The following MDH1 variants were observed in gnomAD, a reference collection of about 807,000 sequenced individuals.
MDH1 encodes malate dehydrogenase, cytoplasmic.
Under a neutral mutation model 38.7 loss-of-function variants are expected in MDH1, and 15 were observed. That is an observed-to-expected ratio of 0.39 (90% CI 0.26 to 0.60). The LOEUF (loss-of-function observed/expected upper bound fraction) is 0.60. MDH1 is among the 20% of genes least tolerant of loss of function. The pLI, the probability that MDH1 is intolerant of heterozygous loss-of-function variation, is 0.56. For synonymous variants in MDH1, 144 were observed against 143.6 expected, an observed-to-expected ratio of 1.00 and a Z score of -0.02; for missense variants, 368 against 405.2, an observed-to-expected ratio of 0.91 and a Z score of 0.79.
intron 1 of MDH1, chr2:63,590,107 C>G (rs1709151779): frequency 6.6e-6 from 1 of 152,240 alleles, no homozygotes; most frequent in Non-Finnish European, 1.5e-5. Context: ...CCTAGGTTTC[C>G]TAAATGTTTT....
At chr2:63,602,406 C>CA (rs1415078378) in intron 5 of MDH1, among the ~76,000 whole-genome samples, 3 of 125,984 alleles carry the variant, frequency 2.4e-5, no homozygotes, top group African/African-American at 6.1e-5. Flanking sequence ...TCAAAAGTCG[C>CA]AAAAAAATAG....
intron 1 of MDH1, chr2:63,593,107 GT>G (rs34177697): frequency 2.7e-5 from 4 of 147,366 alleles, no homozygotes; most frequent in Admixed American, 6.8e-5. Context: ...GTTGTTTTTT[GT>G]TTTTTTTTTG....
chr2:63,594,294 C>T (rs765796969), intron 1 of MDH1, 194 bp from the exon 2 acceptor site: 1 of 689,264 alleles, frequency 1.5e-6, no homozygotes, highest in Admixed American at 1.8e-5. Flanking sequence ...ACTTTTAGCT[C>T]CCTACATGGT....
rs573364548 is a variant in MDH1, at chr2:63,600,374, C to T, written c.498+1082C>T. On this transcript the variant is annotated intron_variant, in intron 5 of 8. Transcript: ENST00000233114. ...GGAAGTCAGAGAACCTGCTCAGAGT[C>T]ATACAGCTCATAAATTACGGAGCCA... 2.0e-5 allele frequency among the ~76,000 whole-genome samples: 3 copies of T among 152,270 alleles called. No homozygotes were observed. The South Asian group carries it at 6.2e-4, about 32-fold the overall frequency.
rs1709494748 is a variant in MDH1 at position 63,604,759 on chromosome 2, T to G, written c.562T>G (p.Ser188Ala). ...VKNVIIWGNH[S>A]STQYPDVNHA... Reference sequence around the variant, plus strand: ...GAATGTCATTATCTGGGGAAACCATTCCTCGACTCAGTATCCAGATGTCAA... The same window carrying G: ...GAATGTCATTATCTGGGGAAACCATGCCTCGACTCAGTATCCAGATGTCAA... The change falls in exon 6 of 9, where the codon TCC becomes GCC. Residue 188 changes from serine (S) to alanine (A), a missense_variant. Ser to Ala is a moderately conservative substitution (Grantham distance 99, BLOSUM62 1). Transcript: ENST00000233114. 1 of 1,614,180 alleles carries G rather than the reference T, an allele frequency of 6.2e-7. No individual in the cohort carries two copies. Among genetic ancestry groups the G allele is most frequent in the Non-Finnish European group, 8.5e-7 (1 of 1,180,000 alleles).
At chr2:63,595,951 C>T (rs1343970176) in intron 3 of MDH1, among the ~76,000 whole-genome samples, 1 of 152,126 alleles carries the variant, frequency 6.6e-6, no homozygotes, top group Non-Finnish European at 1.5e-5. Flanking sequence ...CTATACATTG[C>T]TCTGGAAGTT....
intron 1 of MDH1, 158 bp downstream of exon 1, chr2:63,589,204 C>T (rs969172483): frequency 6.3e-6 from 10 of 1,587,518 alleles, no homozygotes; most frequent in Non-Finnish European, 8.6e-6. Flanking sequence ...GCCGCAGTGA[C>T]CCAGTAATGG....
Position 63,588,981 on chromosome 2 carries a change from A to G in MDH1, c.-63A>G, listed in dbSNP as rs556625759. 1.9e-6 allele frequency: 3 copies of G among 1,612,558 alleles called. No individual in the cohort carries two copies. The East Asian group carries it at 6.7e-5, about 36-fold the overall frequency. ...CCTCTCCGAGTCAGTTCCGCGGTAG[A>G]GGTGACCTGACTCTCTGAGGCTCAT... On this transcript the variant is annotated 5_prime_UTR_variant, in exon 1 of 9. Coordinates refer to ENST00000233114, the MANE Select transcript of MDH1 (RefSeq NM_005917.4).
chr2:63,589,211 A>G, intron 1 of MDH1, 165 bp downstream of exon 1: 1 of 1,577,448 alleles, frequency 6.3e-7, no homozygotes, highest in East Asian at 2.3e-5. Flanking sequence ...TGACCCAGTA[A>G]TGGGAAGGGA....
intron 7 of MDH1, 27 bp downstream of exon 7, chr2:63,605,420 C>T (rs1411856929): frequency 7.5e-6 from 11 of 1,474,822 alleles, no homozygotes; most frequent in Non-Finnish European, 9.5e-6. Flanking sequence ...TTGCACAGGT[C>T]ACTCTATTTT....
At chr2:63,598,986 T>A (rs1422051340) in intron 4 of MDH1, among the ~76,000 whole-genome samples, 184 bp from the exon 5 acceptor site, 1 of 152,196 alleles carries the variant, frequency 6.6e-6, no homozygotes, top group East Asian at 1.9e-4. Flanking sequence ...CAAAATTTTT[T>A]ATTACCATTT....
chr2:63,595,272 T>C, intron 2 of MDH1, 151 bp from the exon 3 acceptor site: 1 of 674,946 alleles, frequency 1.5e-6, no homozygotes, highest in African/African-American at 1.8e-5. Flanking sequence ...AGTGGCATAG[T>C]GCTAGATACC....
intron 5 of MDH1, chr2:63,599,966 G>C (rs1235428990): frequency 6.6e-6 from 1 of 152,224 alleles, no homozygotes; most frequent in Admixed American, 6.6e-5. Context: ...AGATCTAACT[G>C]GTCCTGGTGC....
rs1323522825 is a variant in MDH1, at chr2:63,604,818, TG to T, written c.623del (p.Gly208ValfsTer6). The stretch of plus-strand genomic sequence containing the variant: ...AGGTGAAATTGCAAGGAAAGGAAGT[TG>T]GTGTTTATGAAGCTCTGAAAGATGA... ...AKVKLQGKEV[G>X]VYEALKDDSW... On this transcript the variant is annotated frameshift_variant, in exon 6 of 9. Coordinates refer to ENST00000233114, the MANE Select transcript of MDH1 (RefSeq NM_005917.4). LOFTEE classifies it high-confidence loss of function. 2 of 1,614,064 alleles carry T rather than the reference TG, an allele frequency of 1.2e-6. No individual in the cohort carries two copies. Among genetic ancestry groups the T allele is most frequent in the Admixed American group, 3.3e-5 (2 of 60,002 alleles).
intron 1 of MDH1, chr2:63,593,649 G>A: frequency 2.1e-6 from 1 of 471,608 alleles, no homozygotes; most frequent in Non-Finnish European, 4.4e-6. Context: ...AGGTGACAGT[G>A]GAAGTACATT....
At chr2:63,597,190 C>T in intron 3 of MDH1, 2 of 769,496 alleles carry the variant, frequency 2.6e-6, no homozygotes, top group Non-Finnish European at 3.2e-6. Flanking sequence ...ATTATTGAAA[C>T]AGGAAAAGCA....
chr2:63,604,236 T>C (rs1479789151), intron 5 of MDH1, among the ~76,000 whole-genome samples: 1 of 152,244 alleles, frequency 6.6e-6, no homozygotes, highest in African/African-American at 2.4e-5. Context: ...AATTAATTTC[T>C]ATATGGTATA....
intron 1 of MDH1, chr2:63,589,470 A>G (rs1012318318): frequency 5.0e-5 from 67 of 1,340,426 alleles, no homozygotes; most frequent in Non-Finnish European, 6.7e-5. Flanking sequence ...TGTCACAGGG[A>G]CCTTGAAAGC....
intron 6 of MDH1, 53 bp from the exon 7 acceptor site, chr2:63,605,227 A>C (rs1165521042): frequency 3.3e-6 from 4 of 1,194,408 alleles, no homozygotes; most frequent in Non-Finnish European, 5.0e-6. Context: ...ATTAATGAAA[A>C]CTTTGCTATC....
Sources: allele counts gnomAD v4.1 joint callset (sites outside exome capture counted in the v4.1 genomes callset), GRCh38; gene constraint gnomAD v4.1.1; transcripts MANE v1.5; gene names NCBI Gene and HGNC (gene_info 2026-07-23, HGNC 2026-07-21).